Variants in MAP3K9 observed in about 807,000 individuals in gnomAD.
The protein encoded by MAP3K9 is mixed lineage kinase 1 (tyr and ser/thr specificity).
MAP3K9 carries 46 observed loss-of-function variants against 95.8 expected under a neutral mutation model. The ratio of observed to expected loss-of-function variants is 0.48; its 90% CI spans 0.38 to 0.61. The LOEUF is 0.61. Ranked by LOEUF, MAP3K9 falls within the 20% of genes least tolerant of loss-of-function variation. The pLI, the probability that MAP3K9 is intolerant of heterozygous loss-of-function variation, is 0.00. For missense variants in MAP3K9, 1,296 were observed against 1,474.3 expected, an observed-to-expected ratio of 0.88 and a Z score of 1.98; for synonymous variants, 533 against 593.8, an observed-to-expected ratio of 0.90 and a Z score of 1.49.
chr14:70,772,111 C>T (rs1013043543), intron 2 of MAP3K9, among the ~76,000 whole-genome samples: 1 of 152,220 alleles, frequency 6.6e-6, no homozygotes, highest in Non-Finnish European at 1.5e-5. Context: ...CTCAGCAGAG[C>T]TGCGGTGCTG....
At chr14:70,798,475 T>TG (rs1309920312) in intron 2 of MAP3K9, among the ~76,000 whole-genome samples, 2 of 112,104 alleles carry the variant, frequency 1.8e-5, no homozygotes, top group African/African-American at 6.9e-5. Flanking sequence ...CCAAAAGTTT[T>TG]TTTTTTTTTT....
At chr14:70,774,755 G>A (rs2054574119) in intron 2 of MAP3K9, among the ~76,000 whole-genome samples, 1 of 151,840 alleles carries the variant, frequency 6.6e-6, no homozygotes, top group South Asian at 2.1e-4. Context: ...GGGAGGCCGA[G>A]GCAGGTGGAT....
chr14:70,741,385 T>C (rs1318551487), intron 6 of MAP3K9, among the ~76,000 whole-genome samples: 1 of 152,172 alleles, frequency 6.6e-6, no homozygotes, highest in Non-Finnish European at 1.5e-5. Context: ...CCATTGCACC[T>C]GGCCTGTTCC....
intron 3 of MAP3K9, among the ~76,000 whole-genome samples, chr14:70,751,290 G>C (rs1166644316): frequency 6.6e-6 from 1 of 152,188 alleles, no homozygotes; most frequent in Non-Finnish European, 1.5e-5. Context: ...AGTCCTTCCA[G>C]GAATAAGTCA....
At chr14:70,779,803 C>T (rs992525681) in intron 2 of MAP3K9, among the ~76,000 whole-genome samples, 3 of 152,226 alleles carry the variant, frequency 2.0e-5, no homozygotes, top group African/African-American at 7.2e-5. Context: ...CTTGCCAACG[C>T]GGCTCAGTCC....
chr14:70,765,615 C>T lies in MAP3K9; in HGVS notation c.821-4433G>A, dbSNP rs34018571. ...TTGTCTACAATATTCAGTACAGTAACATGTACACGTTTGTAGCCTGGAAAC... is the reference window on the plus strand; with the variant it reads ...TTGTCTACAATATTCAGTACAGTAATATGTACACGTTTGTAGCCTGGAAAC... On this transcript the variant is annotated intron_variant, in intron 2 of 11. Coordinates refer to ENST00000554752, the MANE Select transcript of MAP3K9 (RefSeq NM_001284230.2). The T allele has an allele frequency of 3.7e-3, 1,544 of 421,182 alleles. 7 individuals carry two copies. Among genetic ancestry groups the T allele is most frequent in the Middle Eastern group, 9.9e-3 (16 of 1,610 alleles). 26.1% of individuals were successfully genotyped at this position (421,182 alleles called of 1,614,324 possible). A position where few individuals can be genotyped will look rare whatever the true frequency, so the allele number is the denominator to read the frequency against.
rs976047632 is a variant in MAP3K9, at chr14:70,723,522, G to A, written c.*6858C>T. 10 of 152,276 alleles carry A rather than the reference G, an allele frequency of 6.6e-5. No homozygotes were observed. The East Asian group carries it at 1.2e-3, about 18-fold the overall frequency. 9.4% of individuals were successfully genotyped at this position (152,276 alleles called of 1,614,324 possible). On this transcript the variant is annotated 3_prime_UTR_variant, in exon 12 of 12. Coordinates refer to ENST00000554752, the MANE Select transcript of MAP3K9 (RefSeq NM_001284230.2). Reference sequence around the variant, plus strand: ...GGGCAAAGGGCAATCTCAAAACCTCGGTGGACCTGAGCTAGGCCAACTTTA... The same window carrying A: ...GGGCAAAGGGCAATCTCAAAACCTCAGTGGACCTGAGCTAGGCCAACTTTA...
intron 5 of MAP3K9, among the ~76,000 whole-genome samples, chr14:70,747,443 T>C (rs2054163204): frequency 6.6e-6 from 1 of 152,244 alleles, no homozygotes; most frequent in South Asian, 2.1e-4. Context: ...TCCAGCCCTG[T>C]GCAACTGTGA....
At position 70,801,729 on chromosome 14, in the gene MAP3K9, G is replaced by T. The variant is rs7151024; in HGVS notation, c.407-649C>A. 5.9e-5 allele frequency among the ~76,000 whole-genome samples: 9 copies of T among 152,252 alleles called. No homozygotes were observed. The East Asian group carries it at 1.5e-3, about 26-fold the overall frequency. On this transcript the variant is annotated intron_variant, in intron 1 of 11. Transcript: ENST00000554752. ...TCCCACAGCAGCACAGAGCACTAAG[G>T]GGGTGAGTGGGGAAAGGATTCTCAG...
At chr14:70,783,816 C>T (rs1038198971) in intron 2 of MAP3K9, among the ~76,000 whole-genome samples, 8 of 152,246 alleles carry the variant, frequency 5.3e-5, no homozygotes, top group African/African-American at 1.9e-4. Context: ...TCCCAGACTA[C>T]ACAGAGCTGA....
intron 2 of MAP3K9, among the ~76,000 whole-genome samples, chr14:70,774,659 A>T (rs2054572810): frequency 6.8e-6 from 1 of 146,066 alleles, no homozygotes; most frequent in Non-Finnish European, 1.5e-5. Context: ...ACAGAGAGAG[A>T]CTCCATCTCA....
chr14:70,758,573 A>C (rs1020047002), intron 3 of MAP3K9, among the ~76,000 whole-genome samples: 8 of 152,232 alleles, frequency 5.3e-5, no homozygotes, highest in African/African-American at 1.7e-4. Flanking sequence ...ACTGAAAAAA[A>C]TATGTTTACA....
rs1594759326 is a variant in MAP3K9, at chr14:70,730,100, G to A, written c.*280C>T. The A allele has an allele frequency of 2.3e-6, 1 of 435,716 alleles. No homozygotes were observed. Among genetic ancestry groups the A allele is most frequent in the East Asian group, 4.2e-5 (1 of 24,030 alleles). The allele number at this position is 435,716 out of a possible 1,614,324, so 27.0% of individuals were successfully genotyped here. A position where few individuals can be genotyped will look rare whatever the true frequency, so the allele number is the denominator to read the frequency against. On this transcript the variant is annotated 3_prime_UTR_variant, in exon 12 of 12. Coordinates refer to ENST00000554752, the MANE Select transcript of MAP3K9 (RefSeq NM_001284230.2). ...TCTGCAGGGTCACTCTAAAGGCAAGGAAGACTGTGGAGGGTGGGGGACATG... is the reference window on the plus strand; with the variant it reads ...TCTGCAGGGTCACTCTAAAGGCAAGAAAGACTGTGGAGGGTGGGGGACATG...
intron 5 of MAP3K9, among the ~76,000 whole-genome samples, chr14:70,748,118 AAAT>A (rs2054174577): frequency 1.3e-5 from 2 of 151,298 alleles, no homozygotes; most frequent in Admixed American, 6.6e-5. Flanking sequence ...AAAAAAAAAA[AAAT>A]GGTAAAAGAA....
In MAP3K9 at chr14:70,732,590, G is replaced by C. The variant is rs2053920658; in HGVS notation, c.2779C>G (p.Leu927Val). ...TTGCTGGAGGGGCTCCTGCTGGCTA[G>C]GAGAGTCTCTGGCTTAAGGGCCCCA... ...SDGALKPETL[L>V]ASRSPSSNGL... Residue 927 changes from leucine to valine, a missense_variant, in exon 11 of 12, where the codon CTA (leucine) becomes GTA (valine). Leu to Val is a conservative substitution (Grantham distance 32, BLOSUM62 1). This residue lies in a region of MAP3K9 where 433 missense variants were observed against 441.4 expected (regional missense o/e 0.98). Transcript: ENST00000554752. 1 of 1,604,910 alleles carries C rather than the reference G, an allele frequency of 6.2e-7. No homozygotes were observed.
chr14:70,747,498 T>C (rs1594775480), intron 5 of MAP3K9, among the ~76,000 whole-genome samples: 1 of 152,232 alleles, frequency 6.6e-6, no homozygotes, highest in African/African-American at 2.4e-5. Flanking sequence ...GTGTTGGGTA[T>C]GTCTTTATTA....
In MAP3K9 at chr14:70,761,041, A is replaced by G; in HGVS notation, c.962T>C (p.Ile321Thr). The G allele has an allele frequency of 6.2e-7, 1 of 1,613,544 alleles. No homozygotes were observed. Among genetic ancestry groups the G allele is most frequent in the Non-Finnish European group, 8.5e-7 (1 of 1,179,896 alleles). Residue 321 changes from isoleucine (I) to threonine (T), a missense_variant, in exon 3 of 12, where the codon ATC (isoleucine) becomes ACC (threonine). Ile to Thr is a moderately conservative substitution (Grantham distance 89). Around this residue, in one of 5 missense-constraint regions of MAP3K9, gnomAD observed 136 missense variants for 221.5 expected, o/e 0.61. Coordinates refer to ENST00000554752, the MANE Select transcript of MAP3K9 (RefSeq NM_001284230.2). Reference sequence around the variant, plus strand: ...GCCTTTGGAAAACATGGAGGCCCGGATGACTTCGGGTGCCATCCAAGCATA... The same window carrying G: ...GCCTTTGGAAAACATGGAGGCCCGGGTGACTTCGGGTGCCATCCAAGCATA... Reference protein sequence around the residue: ...GTYAWMAPEVIRASMFSKGSD... With the variant: ...GTYAWMAPEVTRASMFSKGSD...
At position 70,742,382 on chromosome 14, in the gene MAP3K9, G is replaced by C. The variant is rs2054082921; in HGVS notation, c.1536C>G (p.Leu512=). The stretch of plus-strand genomic sequence containing the variant: ...GGAGGCTGATGCGGTTGCCATCCTT[G>C]AGCTTCAGCCGGCTCTTCCTGAACT... ...KGKFRKSRLK[L]KDGNRISLPS... Residue 512 remains leucine (L), a synonymous_variant, in exon 6 of 12, where the codon CTC becomes CTG. Transcript: ENST00000554752. 8 of 1,614,062 alleles carry C rather than the reference G, an allele frequency of 5.0e-6. No homozygotes were observed. The highest frequency in any genetic ancestry group is 1.3e-5 in the African/African-American group (1 of 74,916).
At chr14:70,777,398 C>G (rs944111848) in intron 2 of MAP3K9, among the ~76,000 whole-genome samples, 2 of 152,206 alleles carry the variant, frequency 1.3e-5, no homozygotes, top group Admixed American at 1.3e-4. Flanking sequence ...TCCAAAACCT[C>G]TGGACCCCAG....
Sources: gnomAD v4.1 joint callset for allele counts (sites outside exome capture counted in the v4.1 genomes callset) on GRCh38, gnomAD v4.1.1 for gene constraint, gnomAD v4.1.1 regional missense constraint, MANE v1.5 for transcripts, NCBI Gene and HGNC (gene_info 2026-07-23, HGNC 2026-07-21) for gene names.